Variants in CCDC102B observed in about 807,000 individuals in gnomAD.
CCDC102B encodes the protein coiled-coil domain-containing protein 102B.
Under a neutral mutation model 57.4 loss-of-function variants are expected in CCDC102B, and 75 were observed. That is an observed-to-expected ratio of 1.31 (90% CI 1.08 to 1.58). The LOEUF (loss-of-function observed/expected upper bound fraction) is 1.58. CCDC102B is among the 40% of genes most tolerant of loss of function. The pLI, the probability that CCDC102B is intolerant of heterozygous loss-of-function variation, is 0.00. For missense variants in CCDC102B, 636 were observed against 582.6 expected (o/e 1.09, Z -0.94); for synonymous variants, 206 against 201.9 (o/e 1.02, Z -0.17).
rs563629105 is a variant in CCDC102B, at chr18:69,018,011, G to A, written c.1434+6907G>A. On this transcript the variant is annotated intron_variant, in intron 7 of 7. Transcript: ENST00000360242. ...TAAATATTTCTGTGTGTGTGTGTGT[G>A]TGTGTATCTCATAACTTATCCGTTT... Among the ~76,000 whole-genome samples the A allele has an allele frequency of 7.2e-5, 11 of 152,272 alleles. No homozygotes were observed. In the South Asian group the frequency reaches 2.3e-3, roughly 32 times the overall value.
At chr18:68,843,044 A>G (rs2037707202) in intron 3 of CCDC102B, among the ~76,000 whole-genome samples, 1 of 152,138 alleles carries the variant, frequency 6.6e-6, no homozygotes, top group African/African-American at 2.4e-5. Context: ...TGAGCTTAAC[A>G]ATATTCTTTA....
chr18:68,825,345 C>G (rs914795652), intron 1 of CCDC102B, among the ~76,000 whole-genome samples: 1 of 152,104 alleles, frequency 6.6e-6, no homozygotes, highest in South Asian at 2.1e-4. Flanking sequence ...CTAAATAATA[C>G]GTTGGCAGTT....
intron 6 of CCDC102B, among the ~76,000 whole-genome samples, chr18:68,998,281 T>C (rs2051085639): frequency 2.0e-5 from 3 of 150,834 alleles, no homozygotes; most frequent in African/African-American, 7.3e-5. Flanking sequence ...ATATACATAA[T>C]TACATATAGA....
intron 1 of CCDC102B, chr18:68,798,592 T>C (rs1196161261): frequency 1.3e-5 from 2 of 152,164 alleles, no homozygotes; most frequent in Admixed American, 6.6e-5. Context: ...AAAATTGTTA[T>C]GGAAATCCTC....
chr18:68,887,529 A>G (rs896411434), intron 5 of CCDC102B, among the ~76,000 whole-genome samples: 7 of 152,196 alleles, frequency 4.6e-5, no homozygotes, highest in African/African-American at 1.7e-4. Flanking sequence ...ATAGGCATTG[A>G]CATTTGTTTT....
chr18:69,049,825 T>G (rs1426111658), intron 7 of CCDC102B, among the ~76,000 whole-genome samples: 1 of 152,096 alleles, frequency 6.6e-6, no homozygotes, highest in Non-Finnish European at 1.5e-5. Context: ...CATTTTTTTT[T>G]TTGAGACGGA....
At chr18:69,019,651 T>C (rs1297506090) in intron 7 of CCDC102B, among the ~76,000 whole-genome samples, 1 of 152,056 alleles carries the variant, frequency 6.6e-6, no homozygotes, top group African/African-American at 2.4e-5. Flanking sequence ...TTTTTACATA[T>C]TGCATCATGT....
chr18:68,781,759 G>T (rs2035014159), intron 2 of CCDC102B, among the ~76,000 whole-genome samples: 1 of 152,028 alleles, frequency 6.6e-6, no homozygotes, highest in African/African-American at 2.4e-5. Context: ...ATGATTTGTG[G>T]AATAAATAGA....
chr18:68,945,249 A>G (rs550049769), intron 6 of CCDC102B, among the ~76,000 whole-genome samples: 3 of 152,190 alleles, frequency 2.0e-5, no homozygotes, highest in African/African-American at 7.2e-5. Context: ...GGAAAATGAT[A>G]AAATTACTTT....
intron 2 of CCDC102B, among the ~76,000 whole-genome samples, chr18:68,761,623 C>T (rs189026092): frequency 6.6e-6 from 1 of 152,076 alleles, no homozygotes; most frequent in Non-Finnish European, 1.5e-5. Context: ...ACTTCCTTAA[C>T]GCTGGCATAG....
At chr18:68,957,164 G>C (rs1599751704) in intron 6 of CCDC102B, among the ~76,000 whole-genome samples, 1 of 151,864 alleles carries the variant, frequency 6.6e-6, no homozygotes, top group South Asian at 2.1e-4. Context: ...GTTGGCTTTG[G>C]TCACCTGTGC....
intron 6 of CCDC102B, among the ~76,000 whole-genome samples, chr18:68,967,757 T>C (rs1280804679): frequency 6.6e-6 from 1 of 152,266 alleles, no homozygotes; most frequent in East Asian, 1.9e-4. Context: ...CAAATACCTT[T>C]ATCTCAAAGT....
intron 7 of CCDC102B, among the ~76,000 whole-genome samples, chr18:69,028,008 A>T (rs2052038679): frequency 6.6e-6 from 1 of 152,194 alleles, no homozygotes; most frequent in Non-Finnish European, 1.5e-5. Context: ...ACCAAGAATG[A>T]TGACTGCCAC....
At chr18:68,716,831 C>T (rs1295805742) in intron 2 of CCDC102B, among the ~76,000 whole-genome samples, 1 of 152,026 alleles carries the variant, frequency 6.6e-6, no homozygotes, top group Non-Finnish European at 1.5e-5. Context: ...GTAATCCCAG[C>T]ACTTTGGGAG....
chr18:69,050,881 C>G (rs2052686888), intron 7 of CCDC102B, among the ~76,000 whole-genome samples: 1 of 152,038 alleles, frequency 6.6e-6, no homozygotes, highest in Non-Finnish European at 1.5e-5. Flanking sequence ...ACAAATGTTC[C>G]ATTAATAAGA....
chr18:68,746,245 G>A lies in CCDC102B; in HGVS notation c.-67+29651G>A, dbSNP rs568438820. On this transcript the variant is annotated intron_variant, in intron 2 of 3. Transcript: ENST00000578970. ...AGAGCGAAACTTTGCATAATTTCTG[G>A]GCACTTAGAGTTACTTTAACTATTT... 8.5e-5 allele frequency among the ~76,000 whole-genome samples: 13 copies of A among 152,124 alleles called. No homozygotes were observed. The East Asian group carries it at 2.5e-3, about 29-fold the overall frequency.
chr18:68,930,474 T>G (rs544233544), intron 6 of CCDC102B, among the ~76,000 whole-genome samples: 67 of 151,896 alleles, frequency 4.4e-4, no homozygotes, highest in Middle Eastern at 3.4e-3. Flanking sequence ...AATGATGATG[T>G]GTGGATGGAC....
chr18:68,742,415 T>A (rs1192144563), intron 2 of CCDC102B, among the ~76,000 whole-genome samples: 2 of 152,200 alleles, frequency 1.3e-5, no homozygotes, highest in Non-Finnish European at 2.9e-5. Context: ...CATTTCCAAA[T>A]AAAGTCACAT....
rs73463833 is a variant in CCDC102B, at chr18:68,922,588, T to C, written c.1263+25160T>C. ...TGCATTCATGAGCTGTGGTTGATGA[T>C]AAAAGGCCCAGCAGGTCCAGCCATG... On this transcript the variant is annotated intron_variant, in intron 6 of 7. Transcript: ENST00000360242. Among the ~76,000 whole-genome samples the C allele has an allele frequency of 3.7e-3, 559 of 152,230 alleles. 3 individuals are homozygous for C. The highest frequency in any genetic ancestry group is 0.012 in the African/African-American group (516 of 41,568).
Sources: gnomAD v4.1 joint callset for allele counts (sites outside exome capture counted in the v4.1 genomes callset) on GRCh38, gnomAD v4.1.1 for gene constraint, MANE v1.5 for transcripts, NCBI Gene and HGNC (gene_info 2026-07-23, HGNC 2026-07-21) for gene names.